ARL6: variants seen among roughly 807,000 people sequenced by gnomAD.
ARL6 encodes the protein ADP-ribosylation factor-like protein 6.
In ARL6, 18 loss-of-function variants were observed where a neutral mutation model predicts 27.1. The ratio of observed to expected loss-of-function variants is 0.66; its 90% CI spans 0.46 to 0.98. The LOEUF is 0.98. Among genes scored for constraint, ARL6 ranks in the 50% least tolerant of loss-of-function variants. The pLI, the probability that ARL6 is intolerant of heterozygous loss-of-function variation, is 0.00. For missense variants in ARL6, 187 were observed against 214.9 expected (o/e 0.87, Z 0.81); for synonymous variants, 65 against 72.3 (o/e 0.90, Z 0.51).
intron 6 of ARL6, among the ~76,000 whole-genome samples, chr3:97,788,856 A>G (rs951223887): frequency 6.6e-6 from 1 of 152,176 alleles, no homozygotes; most frequent in African/African-American, 2.4e-5. Flanking sequence ...ATTAGATAGT[A>G]TTTTAGTGCC....
intron 1 of ARL6, among the ~76,000 whole-genome samples, chr3:97,766,952 C>CTTT (rs138320361): frequency 0.013 from 2,024 of 152,088 alleles, 45 homozygotes; most frequent in African/African-American, 0.047. Flanking sequence ...GAGCAATGGA[C>CTTT]CCAAAGTGAG....
intron 2 of ARL6, 98 bp downstream of exon 2, chr3:97,768,328 A>G (rs1404251536): frequency 3.1e-6 from 4 of 1,310,412 alleles, no homozygotes; most frequent in African/African-American, 1.5e-5. Flanking sequence ...ATATAATCAC[A>G]TTAAGATATT....
intron 2 of ARL6, 95 bp downstream of exon 2, chr3:97,768,325 C>A: frequency 7.5e-7 from 1 of 1,327,752 alleles, no homozygotes; most frequent in Non-Finnish European, 1.1e-6. Context: ...CGCATATAAT[C>A]ACATTAAGAT....
At position 97,798,592 on chromosome 3, in the gene ARL6, G is replaced by C. The variant is rs534415802; in HGVS notation, c.*543G>C. ...TAATGCTCTGTTAGTATGGTATTTC[G>C]TGTCATACTGTCAAGCATTTGTAAA... is the stretch of plus-strand genomic sequence containing the variant. On this transcript the variant is annotated 3_prime_UTR_variant, in exon 8 of 8. Coordinates refer to ENST00000463745, the MANE Select transcript of ARL6 (RefSeq NM_001278293.3). The C allele has an allele frequency of 3.9e-5, 6 of 152,542 alleles. No individual in the cohort carries two copies. Among genetic ancestry groups the C allele is most frequent in the African/African-American group, 1.5e-4 (6 of 41,376 alleles). 9.4% of individuals were successfully genotyped at this position (152,542 alleles called of 1,614,324 possible). A position where few individuals can be genotyped will look rare whatever the true frequency, so the allele number is the denominator to read the frequency against.
chr3:97,791,886 C>CT (rs1162789105), intron 7 of ARL6, 60 bp downstream of exon 7: 2 of 1,438,918 alleles, frequency 1.4e-6, no homozygotes, highest in Non-Finnish European at 1.9e-6. Context: ...ATATTTTTAT[C>CT]TTTTTTTACA....
At position 97,800,987 on chromosome 3, in the gene ARL6, G is replaced by T. The variant is rs1039939103; in HGVS notation, c.*2938G>T. 5.3e-5 allele frequency: 8 copies of T among 152,070 alleles called. No homozygotes were observed. Among genetic ancestry groups the T allele is most frequent in the African/African-American group, 1.9e-4 (8 of 41,404 alleles). The allele number at this position is 152,070 out of a possible 1,614,324, so 9.4% of individuals were successfully genotyped here. A position where few individuals can be genotyped will look rare whatever the true frequency, so the allele number is the denominator to read the frequency against. On this transcript the variant is annotated 3_prime_UTR_variant, in exon 8 of 8. Coordinates refer to ENST00000463745, the MANE Select transcript of ARL6 (RefSeq NM_001278293.3). ...TATCATCACATGTCATCACATAGGG[G>T]GTTAGAATTTCAACATAGAAATTTT...
At chr3:97,788,162 TA>T (rs1387081562) in intron 6 of ARL6, 43 bp downstream of exon 6, 15 of 1,592,598 alleles carry the variant, frequency 9.4e-6, no homozygotes, top group Non-Finnish European at 1.3e-5. Flanking sequence ...TTCTGAAAAA[TA>T]TACAAGCTTC....
chr3:97,779,109 T>C (rs540356869), intron 2 of ARL6, among the ~76,000 whole-genome samples: 2 of 152,326 alleles, frequency 1.3e-5, no homozygotes, highest in South Asian at 4.1e-4. Context: ...CCTGCTGTAC[T>C]CTAGCCCCCT....
intron 6 of ARL6, among the ~76,000 whole-genome samples, chr3:97,788,487 T>G (rs1444543492): frequency 6.6e-6 from 1 of 152,098 alleles, no homozygotes. Context: ...CCAAAATAAT[T>G]TTCCTGGCTT....
intron 3 of ARL6, 58 bp downstream of exon 3, chr3:97,780,278 C>T: frequency 7.7e-7 from 1 of 1,298,428 alleles, no homozygotes; most frequent in South Asian, 1.2e-5. Flanking sequence ...AATATTAGGT[C>T]TACCTGGTCA....
intron 2 of ARL6, among the ~76,000 whole-genome samples, chr3:97,778,862 T>A (rs2037037789): frequency 6.6e-6 from 1 of 152,030 alleles, no homozygotes; most frequent in African/African-American, 2.4e-5. Context: ...CAAGAAATGA[T>A]AAGGGTCTGA....
Position 97,791,766 on chromosome 3 carries a change from T to G in ARL6, c.480-5T>G. ...TGGCTATGTTTCTTATGGATTTCAT[T>G]TCAGTGCTAGTGATGCCATAAAAGG... On this transcript the variant is annotated splice_region_variant and splice_polypyrimidine_tract_variant and intron_variant, in intron 6 of 7. Coordinates refer to ENST00000463745, the MANE Select transcript of ARL6 (RefSeq NM_001278293.3). The G allele has an allele frequency of 2.5e-6, 4 of 1,613,456 alleles. No homozygotes were observed. Among genetic ancestry groups the G allele is most frequent in the Non-Finnish European group, 3.4e-6 (4 of 1,179,564 alleles).
chr3:97,765,211 G>GGTGTGTGTGTGTGTGTGT (rs71113866), intron 1 of ARL6, among the ~76,000 whole-genome samples: 3 of 105,536 alleles, frequency 2.8e-5, no homozygotes, highest in Non-Finnish European at 4.5e-5. Flanking sequence ...GTGTATTGGG[G>GGTGTGTGTGTGTGTGTGT]GTGTGTGTGT....
rs1441020103 is a variant in ARL6, at chr3:97,788,172, TCA to T, written c.479+54_479+55del. 2 of 1,568,892 alleles carry T rather than the reference TCA, an allele frequency of 1.3e-6. 1 individual carries two copies. The highest frequency in any genetic ancestry group is 1.7e-6 in the Non-Finnish European group (2 of 1,146,066). Reference sequence around the variant, plus strand: ...TAGCTTTCTGAAAAATATACAAGCTTCAGAGTTGTTTCTTCTGATCTCATTTT... The same window carrying T: ...TAGCTTTCTGAAAAATATACAAGCTTGAGTTGTTTCTTCTGATCTCATTTT... On this transcript the variant is annotated intron_variant, in intron 6 of 7. Transcript: ENST00000463745.
At chr3:97,787,649 G>A (rs1260722278) in intron 5 of ARL6, among the ~76,000 whole-genome samples, 1 of 152,076 alleles carries the variant, frequency 6.6e-6, no homozygotes, top group African/African-American at 2.4e-5. Context: ...TCTACTTGAA[G>A]TTTGCCTCCT....
At chr3:97,786,785 G>A (rs114364920) in intron 5 of ARL6, among the ~76,000 whole-genome samples, 2,006 of 152,212 alleles carry the variant, frequency 0.013, 34 homozygotes, top group African/African-American at 0.045. Flanking sequence ...AATAGAAAAT[G>A]GGGAAAGGAC....
chr3:97,767,758 G>A (rs1011742256), intron 1 of ARL6, among the ~76,000 whole-genome samples: 1 of 152,104 alleles, frequency 6.6e-6, no homozygotes, highest in African/African-American at 2.4e-5. Context: ...ATATTTTCAA[G>A]TATCACAATT....
At chr3:97,788,366 CACTT>C (rs897887467) in intron 6 of ARL6, among the ~76,000 whole-genome samples, 10 of 152,080 alleles carry the variant, frequency 6.6e-5, no homozygotes, top group African/African-American at 1.9e-4. Context: ...CTTAAAAGCT[CACTT>C]ACTTACTGAC....
intron 2 of ARL6, among the ~76,000 whole-genome samples, chr3:97,774,318 C>T (rs140007725): frequency 5.5e-4 from 83 of 152,214 alleles, no homozygotes; most frequent in Admixed American, 1.9e-3. Context: ...TTAGTTATTC[C>T]GGGATTTTAG....
Sources: allele counts gnomAD v4.1 joint callset (sites outside exome capture counted in the v4.1 genomes callset), GRCh38; gene constraint gnomAD v4.1.1; transcripts MANE v1.5; gene names NCBI Gene and HGNC (gene_info 2026-07-23, HGNC 2026-07-21).